SLCO3A1: variants seen among roughly 807,000 people sequenced by gnomAD.
SLCO3A1 encodes solute carrier organic anion transporter family member 3A1.
In SLCO3A1, 27 loss-of-function variants were observed where a neutral mutation model predicts 63.1. That is an observed-to-expected ratio of 0.43 (90% CI 0.32 to 0.59). The LOEUF (loss-of-function observed/expected upper bound fraction) is 0.59. Ranked by LOEUF, SLCO3A1 falls within the 20% of genes least tolerant of loss-of-function variation. The pLI is 0.09. For synonymous variants in SLCO3A1, 473 were observed against 409.9 expected (o/e 1.15, Z -1.86); for missense variants, 773 against 945.8 (o/e 0.82, Z 2.40).
chr15:92,128,074 G>T (rs1412770255), intron 6 of SLCO3A1, among the ~76,000 whole-genome samples: 1 of 152,164 alleles, frequency 6.6e-6, no homozygotes, highest in Non-Finnish European at 1.5e-5. Context: ...CATGAGAGGG[G>T]CTGGAGTGGA....
At chr15:92,157,507 T>G (rs2048386723) in intron 9 of SLCO3A1, among the ~76,000 whole-genome samples, 1 of 151,534 alleles carries the variant, frequency 6.6e-6, no homozygotes, top group Non-Finnish European at 1.5e-5. Context: ...TTTTTTTTTT[T>G]TTGAGACCAG....
intron 2 of SLCO3A1, among the ~76,000 whole-genome samples, chr15:91,970,014 T>TACA (rs1900801653): frequency 5.3e-5 from 8 of 152,178 alleles, no homozygotes; most frequent in African/African-American, 1.9e-4. Context: ...GTGTAGTGTT[T>TACA]TTTCCCCTCA....
rs142420942 is a variant in SLCO3A1, at chr15:91,921,954, C to T, written c.646+5496C>T. On this transcript the variant is annotated intron_variant, in intron 2 of 9. Transcript: ENST00000318445. ...TTCGTCATGTTGTCCAGGCTGCTCTCGAACTCCTGACCTCAAGTGCTCCGC... is the reference window on the plus strand; with the variant it reads ...TTCGTCATGTTGTCCAGGCTGCTCTTGAACTCCTGACCTCAAGTGCTCCGC... Among the ~76,000 whole-genome samples the T allele has an allele frequency of 5.5e-3, 831 of 152,072 alleles. 8 individuals are homozygous for T. The highest frequency in any genetic ancestry group is 0.019 in the African/African-American group (793 of 41,490).
At chr15:91,972,649 G>T (rs773632242) in intron 2 of SLCO3A1, among the ~76,000 whole-genome samples, 2 of 152,154 alleles carry the variant, frequency 1.3e-5, no homozygotes, top group African/African-American at 4.8e-5. Flanking sequence ...CTGACCGATC[G>T]ATCTTCAGTA....
chr15:92,114,696 T>G (rs927356116), intron 4 of SLCO3A1, among the ~76,000 whole-genome samples: 1 of 152,212 alleles, frequency 6.6e-6, no homozygotes, highest in African/African-American at 2.4e-5. Context: ...CCCTGCTCTC[T>G]GTTCTCTTCT....
intron 2 of SLCO3A1, among the ~76,000 whole-genome samples, chr15:91,935,561 T>G (rs1899381713): frequency 6.6e-6 from 1 of 152,164 alleles, no homozygotes; most frequent in Non-Finnish European, 1.5e-5. Context: ...TCAACCAGCC[T>G]GATGTTTGCA....
chr15:92,147,672 C>T (rs2048246433), intron 8 of SLCO3A1, among the ~76,000 whole-genome samples: 1 of 152,148 alleles, frequency 6.6e-6, no homozygotes, highest in Admixed American at 6.5e-5. Context: ...TGCAGCAGGG[C>T]TCACGGCAGG....
At position 91,854,059 on chromosome 15, in the gene SLCO3A1, C is replaced by T; in HGVS notation, c.151C>T (p.Leu51=). 4 of 1,533,216 alleles carry T rather than the reference C, an allele frequency of 2.6e-6. No individual in the cohort carries two copies. The highest frequency in any genetic ancestry group is 3.5e-6 in the Non-Finnish European group (4 of 1,137,244). The allele number at this position is 1,533,216 out of a possible 1,614,324, so 95.0% of individuals were successfully genotyped here. Residue 51 remains leucine (L), a synonymous_variant, in exon 1 of 10, where the codon CTG becomes TTG. Transcript: ENST00000318445. The surrounding 1 kb of genome is among the most constrained non-coding windows in gnomAD (Gnocchi z 6.4). ...IFLVSECALM[L]AQGTVGAYLV... Reference sequence around the variant, plus strand: ...CCTGGTGTCCGAGTGCGCCCTGATGCTGGCGCAGGGCACGGTGGGCGCCTA... The same window carrying T: ...CCTGGTGTCCGAGTGCGCCCTGATGTTGGCGCAGGGCACGGTGGGCGCCTA...
chr15:91,892,556 A>G (rs1897897768), intron 1 of SLCO3A1, among the ~76,000 whole-genome samples: 1 of 152,194 alleles, frequency 6.6e-6, no homozygotes, highest in Non-Finnish European at 1.5e-5. Flanking sequence ...AGTAGGAGGT[A>G]AGAACAGCTT....
intron 4 of SLCO3A1, among the ~76,000 whole-genome samples, chr15:92,116,786 G>A (rs2047800447): frequency 1.3e-5 from 2 of 152,204 alleles, no homozygotes; most frequent in Admixed American, 1.3e-4. Flanking sequence ...TTTTGAGGGT[G>A]CTGCAAGTCA....
chr15:92,055,382 CCCGTTCAGTGTGTTGTCTGTTAAT>C (rs1247285395), intron 2 of SLCO3A1, among the ~76,000 whole-genome samples: 2 of 152,120 alleles, frequency 1.3e-5, no homozygotes, highest in Admixed American at 1.3e-4. Context: ...GAAGTTTCAT[CCCGTTCAGTGTGTTGTCTGTTAAT>C]TCTGATAATG....
chr15:92,141,904 A>G (rs1257101397), intron 7 of SLCO3A1, among the ~76,000 whole-genome samples: 2 of 152,092 alleles, frequency 1.3e-5, no homozygotes, highest in African/African-American at 4.8e-5. Context: ...TTTCCCTTGG[A>G]TCCCCTGCTG....
intron 2 of SLCO3A1, among the ~76,000 whole-genome samples, chr15:92,005,366 G>A (rs1464300228): frequency 2.0e-5 from 3 of 152,226 alleles, no homozygotes; most frequent in African/African-American, 4.8e-5. Flanking sequence ...TGCCGAAGGG[G>A]CTGATCGCTT....
chr15:92,134,258 T>C (rs924639561), intron 7 of SLCO3A1, among the ~76,000 whole-genome samples: 1 of 152,246 alleles, frequency 6.6e-6, no homozygotes, highest in Non-Finnish European at 1.5e-5. Flanking sequence ...CTGCCAGAGC[T>C]GATTTAAAAG....
chr15:92,135,442 C>A (rs932070705), intron 7 of SLCO3A1, among the ~76,000 whole-genome samples: 3 of 152,204 alleles, frequency 2.0e-5, no homozygotes, highest in Non-Finnish European at 4.4e-5. Context: ...TATTCTTCAG[C>A]CAGTGACCCC....
At chr15:92,000,762 T>A (rs897937169) in intron 2 of SLCO3A1, among the ~76,000 whole-genome samples, 1 of 152,254 alleles carries the variant, frequency 6.6e-6, no homozygotes, top group Non-Finnish European at 1.5e-5. Context: ...GAGAACGTTC[T>A]CTTTAGGTCT....
rs1012046719 is a variant in SLCO3A1 at position 91,894,614 on chromosome 15, G to A, written c.181-21379G>A. 1.3e-5 allele frequency among the ~76,000 whole-genome samples: 2 copies of A among 152,198 alleles called. No individual in the cohort carries two copies. Among genetic ancestry groups the A allele is most frequent in the African/African-American group, 2.4e-5 (1 of 41,440 alleles). On this transcript the variant is annotated intron_variant, in intron 1 of 9. Transcript: ENST00000318445. This position sits in a 1 kb window ranked among gnomAD's most constrained non-coding sequence, Gnocchi z 4.8. ...GAGTGGACAGTGGGGCTGAAGACCC[G>A]TGTAGCCCGAGGCAGCATTTTTGAC...
chr15:92,063,791 A>G lies in SLCO3A1; in HGVS notation c.647-31090A>G, dbSNP rs543261338. Among the ~76,000 whole-genome samples, 115 of 152,300 alleles carry G rather than the reference A, an allele frequency of 7.6e-4. 1 individual carries two copies. The highest frequency in any genetic ancestry group is 2.5e-3 in the African/African-American group (104 of 41,556). On this transcript the variant is annotated intron_variant, in intron 2 of 9. Transcript: ENST00000318445. ...CTTGAACCTGGGAGGCGGAGGTTGC[A>G]GTGAGCCAAGATCGCACCACCGCAC...
intron 2 of SLCO3A1, among the ~76,000 whole-genome samples, chr15:91,919,271 G>A (rs1898763399): frequency 1.3e-5 from 2 of 152,226 alleles, no homozygotes; most frequent in African/African-American, 4.8e-5. Flanking sequence ...TCTTGTGGCT[G>A]AGCCGCTGCC....
Sources: allele counts gnomAD v4.1 joint callset (sites outside exome capture counted in the v4.1 genomes callset), GRCh38; gene constraint gnomAD v4.1.1; non-coding constraint Gnocchi (gnomAD v3.1); transcripts MANE v1.5; gene names NCBI Gene and HGNC (gene_info 2026-07-23, HGNC 2026-07-21).